Variants in ARRB1 observed in about 807,000 individuals in gnomAD.
ARRB1 encodes beta-arrestin-1.
Under a neutral mutation model 56.8 loss-of-function variants are expected in ARRB1, and 21 were observed. That is an observed-to-expected ratio of 0.37 (90% CI 0.26 to 0.53). The LOEUF is 0.53. Ranked by LOEUF, ARRB1 falls within the 20% of genes least tolerant of loss-of-function variation. ARRB1 has a pLI of 0.88. For synonymous variants in ARRB1, 210 were observed against 218.6 expected, an observed-to-expected ratio of 0.96 and a Z score of 0.35; for missense variants, 424 against 553.7, an observed-to-expected ratio of 0.77 and a Z score of 2.35.
At chr11:75,342,218 T>C (rs1012457738) in intron 1 of ARRB1, among the ~76,000 whole-genome samples, 18 of 152,132 alleles carry the variant, frequency 1.2e-4, no homozygotes, top group Non-Finnish European at 2.9e-5. Context: ...CTTCTCTCCC[T>C]CTTTCTCACC....
At chr11:75,280,205 C>T (rs1251736131) in intron 7 of ARRB1, among the ~76,000 whole-genome samples, 1 of 152,164 alleles carries the variant, frequency 6.6e-6, no homozygotes, top group Non-Finnish European at 1.5e-5. Context: ...CCCACAGCAC[C>T]CTTCCTCTTC....
At chr11:75,311,260 C>T (rs796701506) in intron 1 of ARRB1, among the ~76,000 whole-genome samples, 7 of 152,268 alleles carry the variant, frequency 4.6e-5, no homozygotes, top group African/African-American at 9.6e-5. Flanking sequence ...CACTTGAACC[C>T]GGGAGGCACA....
intron 1 of ARRB1, among the ~76,000 whole-genome samples, chr11:75,311,765 G>A (rs1292111616): frequency 2.0e-5 from 3 of 152,210 alleles, no homozygotes; most frequent in South Asian, 2.1e-4. Context: ...GTGAGGGGTG[G>A]ACTCTGGCTG....
chr11:75,283,563 G>C, intron 4 of ARRB1, 80 bp from the exon 5 acceptor site: 1 of 1,397,854 alleles, frequency 7.2e-7, no homozygotes, highest in Non-Finnish European at 9.6e-7. Flanking sequence ...GCAGCCCTGG[G>C]ACGGGCCCCA....
intron 1 of ARRB1, among the ~76,000 whole-genome samples, chr11:75,340,219 C>T (rs1324692377): frequency 6.6e-6 from 1 of 152,248 alleles, no homozygotes; most frequent in East Asian, 1.9e-4. Context: ...CAGGACGAGG[C>T]CTGTTTCCTC....
intron 1 of ARRB1, among the ~76,000 whole-genome samples, chr11:75,310,279 C>A (rs1591961390): frequency 6.6e-6 from 1 of 152,120 alleles, no homozygotes; most frequent in Non-Finnish European, 1.5e-5. Context: ...GGATGAAAGG[C>A]CAACGTCTGT....
chr11:75,322,881 C>T (rs2140497329), intron 1 of ARRB1, among the ~76,000 whole-genome samples: 1 of 152,222 alleles, frequency 6.6e-6, no homozygotes, highest in South Asian at 2.1e-4. Context: ...CTCAGTTTTC[C>T]CTTCTGTAAA....
At chr11:75,289,613 AG>A (rs1427378845) in intron 2 of ARRB1, among the ~76,000 whole-genome samples, 2 of 152,184 alleles carry the variant, frequency 1.3e-5, no homozygotes, top group Non-Finnish European at 2.9e-5. Context: ...AAAGCAAGGA[AG>A]CCAGGCCCTG....
intron 1 of ARRB1, among the ~76,000 whole-genome samples, chr11:75,319,763 A>T (rs1211182862): frequency 6.6e-6 from 1 of 152,190 alleles, no homozygotes; most frequent in Non-Finnish European, 1.5e-5. Flanking sequence ...GGAGGAGCAG[A>T]CAGGGAAAGG....
intron 1 of ARRB1, among the ~76,000 whole-genome samples, chr11:75,309,046 A>G (rs545304504): frequency 7.2e-4 from 110 of 152,362 alleles, no homozygotes; most frequent in African/African-American, 2.6e-3. Context: ...GGGAAGAGAA[A>G]AGTTACCCAG....
At chr11:75,280,703 A>G (rs146014216) in intron 7 of ARRB1, among the ~76,000 whole-genome samples, 10 of 152,372 alleles carry the variant, frequency 6.6e-5, no homozygotes, top group South Asian at 2.1e-4. Flanking sequence ...CCCAGGAGGA[A>G]AACTGGAAAA....
At chr11:75,302,020 C>T (rs1346035062) in intron 1 of ARRB1, among the ~76,000 whole-genome samples, 1 of 152,196 alleles carries the variant, frequency 6.6e-6, no homozygotes, top group African/African-American at 2.4e-5. Flanking sequence ...AGTCTCACAC[C>T]AGGGCCAGGA....
chr11:75,306,616 CA>C (rs1377954419), intron 1 of ARRB1: 36 of 1,289,060 alleles, frequency 2.8e-5, no homozygotes, highest in Non-Finnish European at 3.4e-5. Flanking sequence ...GAAGCAGCGC[CA>C]AAGCAGTGGA....
At chr11:75,344,267 G>C (rs1457419151) in intron 1 of ARRB1, among the ~76,000 whole-genome samples, 2 of 152,162 alleles carry the variant, frequency 1.3e-5, no homozygotes, top group Non-Finnish European at 2.9e-5. Flanking sequence ...CACACTCCCT[G>C]GTGGTCTCAG....
chr11:75,285,077 T>G (rs534999495), intron 3 of ARRB1, among the ~76,000 whole-genome samples: 1 of 152,250 alleles, frequency 6.6e-6, no homozygotes, highest in East Asian at 1.9e-4. Context: ...TCAGTTTGGG[T>G]CAGGTTTGCC....
intron 3 of ARRB1, among the ~76,000 whole-genome samples, chr11:75,285,575 A>G (rs946022221): frequency 6.6e-6 from 1 of 152,116 alleles, no homozygotes; most frequent in Non-Finnish European, 1.5e-5. Flanking sequence ...TTGGTGGGGA[A>G]CCGGTAAGCA....
intron 5 of ARRB1, among the ~76,000 whole-genome samples, chr11:75,282,660 A>G (rs1946376026): frequency 6.6e-6 from 1 of 152,174 alleles, no homozygotes; most frequent in Non-Finnish European, 1.5e-5. Context: ...CCAGAGCTGT[A>G]AGCTCATACA....
chr11:75,322,868 G>T (rs1947369020), intron 1 of ARRB1, among the ~76,000 whole-genome samples: 1 of 152,120 alleles, frequency 6.6e-6, no homozygotes, highest in African/African-American at 2.4e-5. Flanking sequence ...AACCTCTCAG[G>T]GTCTCAGTTT....
rs376499837 is a variant in ARRB1, at chr11:75,266,199, C to T, written c.1221G>A (p.Glu407=). ...KGMKDDKEEE[E]DGTGSPQLNN... ...TGAGCTGTGGAGAGCCGGTACCATCCTCCTCTTCCTCCTTGTCATCCTTCA... is the reference window on the plus strand; with the variant it reads ...TGAGCTGTGGAGAGCCGGTACCATCTTCCTCTTCCTCCTTGTCATCCTTCA... The change falls in exon 16 of 16, where the codon GAG becomes GAA. Residue 407 remains glutamate, a synonymous_variant. Transcript: ENST00000420843. The T allele has an allele frequency of 4.8e-5, 77 of 1,614,134 alleles. No homozygotes were observed. The highest frequency in any genetic ancestry group is 6.3e-5 in the Non-Finnish European group (74 of 1,180,052).
Sources: gnomAD v4.1 joint callset for allele counts (sites outside exome capture counted in the v4.1 genomes callset) on GRCh38, gnomAD v4.1.1 for gene constraint, MANE v1.5 for transcripts, NCBI Gene and HGNC (gene_info 2026-07-23, HGNC 2026-07-21) for gene names.